Variants in RAD51B observed in about 807,000 individuals in gnomAD.
RAD51B encodes the protein RAD51 paralog B, also known as DNA repair protein RAD51 homolog 2.
Under a neutral mutation model 42.2 loss-of-function variants are expected in RAD51B, and 38 were observed. The observed-to-expected ratio is 0.90, with a 90% CI of 0.70 to 1.18. RAD51B has a LOEUF of 1.18. Among genes scored for constraint, RAD51B ranks in the 50% most tolerant of loss-of-function variants. RAD51B has a pLI of 0.00. For synonymous variants in RAD51B, 154 were observed against 145.2 expected, an observed-to-expected ratio of 1.06 and a Z score of -0.43; for missense variants, 373 against 400.7, an observed-to-expected ratio of 0.93 and a Z score of 0.59.
chr14:68,190,724 T>G (rs1485723816), intron 7 of RAD51B, among the ~76,000 whole-genome samples: 3 of 152,198 alleles, frequency 2.0e-5, no homozygotes, highest in African/African-American at 7.2e-5. Flanking sequence ...GACTCCATTT[T>G]TAAAAAGTTA....
chr14:68,020,336 C>A (rs911807577), intron 7 of RAD51B, among the ~76,000 whole-genome samples: 1 of 152,106 alleles, frequency 6.6e-6, no homozygotes, highest in Non-Finnish European at 1.5e-5. Context: ...GTCTTGAACT[C>A]CTGAGCTCAA....
intron 7 of RAD51B, among the ~76,000 whole-genome samples, chr14:68,289,336 A>C (rs1440975210): frequency 6.6e-6 from 1 of 152,236 alleles, no homozygotes; most frequent in Non-Finnish European, 1.5e-5. Context: ...TTTACCTATG[A>C]ACAAATGAAG....
chr14:68,326,048 T>C (rs912623174), intron 8 of RAD51B, among the ~76,000 whole-genome samples: 25 of 141,032 alleles, frequency 1.8e-4, no homozygotes, highest in African/African-American at 5.6e-4. Flanking sequence ...CTTTTTTTTT[T>C]TTTTTTTTTG....
At chr14:68,170,427 A>G (rs1191225330) in intron 7 of RAD51B, among the ~76,000 whole-genome samples, 1 of 152,350 alleles carries the variant, frequency 6.6e-6, no homozygotes, top group Admixed American at 6.5e-5. Context: ...ACTGGCACAC[A>G]GGAGAATTAA....
At chr14:68,148,762 T>A (rs2078310067) in intron 7 of RAD51B, among the ~76,000 whole-genome samples, 1 of 152,230 alleles carries the variant, frequency 6.6e-6, no homozygotes, top group African/African-American at 2.4e-5. Flanking sequence ...CAATAAATTG[T>A]ATGAGTTATT....
chr14:68,130,743 C>T (rs1473673575), intron 7 of RAD51B, among the ~76,000 whole-genome samples: 1 of 152,142 alleles, frequency 6.6e-6, no homozygotes. Flanking sequence ...GAAATGGTGG[C>T]AACTTCACTT....
At chr14:68,214,379 A>G (rs1238598930) in intron 7 of RAD51B, among the ~76,000 whole-genome samples, 3 of 152,154 alleles carry the variant, frequency 2.0e-5, no homozygotes, top group African/African-American at 4.8e-5. Context: ...CAGTGGGGCA[A>G]CCAAGCCAAT....
Position 68,562,297 on chromosome 14 carries a change from C to T in RAD51B, c.1037-32188C>T, listed in dbSNP as rs565936696. On this transcript the variant is annotated intron_variant, in intron 10 of 10. Coordinates refer to the RAD51B transcript ENST00000487270. ...TGCAACGGAAAATGCCACTTTTGAA[C>T]GCCAAACCTCTGCCTGACGAAGGCT... is the stretch of plus-strand genomic sequence containing the variant. 279 of 985,416 alleles carry T rather than the reference C, an allele frequency of 2.8e-4. 2 individuals carry two copies. The African/African-American group carries it at 4.3e-3, about 15-fold the overall frequency. The allele number at this position is 985,416 out of a possible 1,614,324, so 61.0% of individuals were successfully genotyped here. A position where few individuals can be genotyped will look rare whatever the true frequency, so the allele number is the denominator to read the frequency against.
rs541221892 is a variant in RAD51B at position 68,605,874 on chromosome 14, T to G, written c.1037-5132T>G. 8.9e-4 allele frequency among the ~76,000 whole-genome samples: 136 copies of G among 152,302 alleles called. 1 individual carries two copies. The highest frequency in any genetic ancestry group is 4.3e-3 in the Admixed American group (66 of 15,298). On this transcript the variant is annotated intron_variant, in intron 10 of 10. Transcript: ENST00000487861. Reference sequence around the variant, plus strand: ...TTTAGCTGGGGGTGGGCTTCTGGAATGCAGTCTCATTCGCCCACTAGTCTA... The same window carrying G: ...TTTAGCTGGGGGTGGGCTTCTGGAAGGCAGTCTCATTCGCCCACTAGTCTA...
intron 8 of RAD51B, among the ~76,000 whole-genome samples, chr14:68,335,970 A>G (rs1192882363): frequency 6.6e-6 from 1 of 152,216 alleles, no homozygotes; most frequent in Non-Finnish European, 1.5e-5. Context: ...ATCAGAAGCC[A>G]TACTTGCATT....
chr14:68,497,485 G>T, intron 10 of RAD51B: 1 of 843,442 alleles, frequency 1.2e-6, no homozygotes, highest in Admixed American at 5.9e-5. Context: ...GAACACATAG[G>T]TTTTTTTTTT....
At chr14:67,897,607 T>C (rs2043465630) in intron 7 of RAD51B, among the ~76,000 whole-genome samples, 1 of 150,600 alleles carries the variant, frequency 6.6e-6, no homozygotes, top group Non-Finnish European at 1.5e-5. Context: ...CCACAAAAGA[T>C]AGTAGGAGTG....
chr14:68,300,299 A>G (rs1364308202), intron 8 of RAD51B, among the ~76,000 whole-genome samples: 1 of 152,006 alleles, frequency 6.6e-6, no homozygotes, highest in Non-Finnish European at 1.5e-5. Flanking sequence ...TTGGCCTCCC[A>G]GGCTCCAGTG....
chr14:68,179,694 A>C (rs1595516307), intron 7 of RAD51B, among the ~76,000 whole-genome samples: 1 of 152,194 alleles, frequency 6.6e-6, no homozygotes, highest in Non-Finnish European at 1.5e-5. Flanking sequence ...TCTAGTAATA[A>C]CATAATACAG....
At chr14:68,064,476 T>C (rs1384665067) in intron 7 of RAD51B, among the ~76,000 whole-genome samples, 1 of 152,170 alleles carries the variant, frequency 6.6e-6, no homozygotes, top group Non-Finnish European at 1.5e-5. Flanking sequence ...TTCCTGGATT[T>C]AGATGTCTAT....
intron 8 of RAD51B, among the ~76,000 whole-genome samples, chr14:68,328,558 G>T (rs1378784350): frequency 6.6e-6 from 1 of 152,180 alleles, no homozygotes. Flanking sequence ...GTTCTCCCCT[G>T]TCCAGCTCCC....
rs142538803 is a variant in RAD51B, at chr14:68,671,425, C to A, written c.*11+20569C>A. The stretch of plus-strand genomic sequence containing the variant: ...CCTCCCCTATGTGGATTCACCTTGG[C>A]CAGACATACAAACCCACCCCCTATC... On this transcript the variant is annotated intron_variant, in intron 11 of 11. Coordinates refer to the RAD51B transcript ENST00000488612. Among the ~76,000 whole-genome samples the A allele has an allele frequency of 3.1e-3, 476 of 152,218 alleles. 3 individuals are homozygous for A. The highest frequency in any genetic ancestry group is 0.011 in the African/African-American group (446 of 41,532).
chr14:67,853,637 A>G (rs2041893791), intron 4 of RAD51B, among the ~76,000 whole-genome samples: 1 of 152,208 alleles, frequency 6.6e-6, no homozygotes, highest in Admixed American at 6.5e-5. Context: ...TGTCCTAGAT[A>G]GATGTCAGAT....
chr14:68,538,500 G>C (rs1391179257), intron 10 of RAD51B, among the ~76,000 whole-genome samples: 1 of 152,156 alleles, frequency 6.6e-6, no homozygotes, highest in East Asian at 1.9e-4. Flanking sequence ...CAGTTAGTGA[G>C]CTTGATTTAT....
Sources: gnomAD v4.1 joint callset for allele counts (sites outside exome capture counted in the v4.1 genomes callset) on GRCh38, gnomAD v4.1.1 for gene constraint, MANE v1.5 for transcripts, NCBI Gene and HGNC (gene_info 2026-07-23, HGNC 2026-07-21) for gene names.